CKAP2: variants seen among roughly 807,000 people sequenced by gnomAD.
The protein encoded by CKAP2 is cytoskeleton associated protein 2, also known as cytoskeleton-associated protein 2.
CKAP2 carries 46 observed loss-of-function variants against 58.4 expected under a neutral mutation model. The observed-to-expected ratio is 0.79, with a 90% CI of 0.62 to 1.01. The LOEUF (loss-of-function observed/expected upper bound fraction) is 1.01, where lower values mean the gene tolerates loss of function less well. CKAP2 is among the 50% of genes least tolerant of loss of function. The pLI, the probability that CKAP2 is intolerant of heterozygous loss-of-function variation, is 0.00. For missense variants in CKAP2, 809 were observed against 796.4 expected, an observed-to-expected ratio of 1.02 and a Z score of -0.19; for synonymous variants, 293 against 280.9, an observed-to-expected ratio of 1.04 and a Z score of -0.43.
At chr13:52,462,042 A>G in intron 4 of CKAP2, 116 bp downstream of exon 4, 1 of 957,396 alleles carries the variant, frequency 1.0e-6, no homozygotes. Flanking sequence ...CTCTTCTGTC[A>G]TATGCAGGCA....
At chr13:52,463,326 T>C (rs1272811803) in intron 5 of CKAP2, among the ~76,000 whole-genome samples, 1 of 152,350 alleles carries the variant, frequency 6.6e-6, no homozygotes, top group East Asian at 1.9e-4. Flanking sequence ...TTTGTATACA[T>C]TGAACCATTA....
At chr13:52,462,212 A>C in intron 4 of CKAP2, 151 bp from the exon 5 acceptor site, 1 of 664,790 alleles carries the variant, frequency 1.5e-6, no homozygotes, top group Non-Finnish European at 2.5e-6. Context: ...AGCATAATTG[A>C]CGTTGATATG....
intron 2 of CKAP2, among the ~76,000 whole-genome samples, chr13:52,459,781 T>C (rs1233781891): frequency 6.6e-6 from 1 of 152,226 alleles, no homozygotes; most frequent in Non-Finnish European, 1.5e-5. Flanking sequence ...ATGCTCACAG[T>C]CTGCCTTAGC....
chr13:52,469,375 G>T (rs1441484026), intron 7 of CKAP2, among the ~76,000 whole-genome samples: 1 of 152,052 alleles, frequency 6.6e-6, no homozygotes, highest in Non-Finnish European at 1.5e-5. Context: ...TAAATTCTGT[G>T]ATCTGTTGTG....
Position 52,475,264 on chromosome 13 carries a change from G to T in CKAP2, c.*123G>T. 8.7e-7 allele frequency: 1 copy of T among 1,153,292 alleles called. No homozygotes were observed. The highest frequency in any genetic ancestry group is 1.2e-6 in the Non-Finnish European group (1 of 827,170). 71.4% of individuals were successfully genotyped at this position (1,153,292 alleles called of 1,614,324 possible). A position where few individuals can be genotyped will look rare whatever the true frequency, so the allele number is the denominator to read the frequency against. On this transcript the variant is annotated 3_prime_UTR_variant, in exon 9 of 9. Transcript: ENST00000258607. ...GTACCTATGTATCCTAAGCATTCACGGCAGTGAGCTCCTTTACTAACATTC... is the reference window on the plus strand; with the variant it reads ...GTACCTATGTATCCTAAGCATTCACTGCAGTGAGCTCCTTTACTAACATTC...
At position 52,455,732 on chromosome 13, in the gene CKAP2, G is replaced by T. The variant is rs1234237161; in HGVS notation, c.70+106G>T. ...CGCTGGCGCGCTTCACCTCTCCCCCGCTCTGTGAGATCCCTGAACGCGGCG... is the reference window on the plus strand; with the variant it reads ...CGCTGGCGCGCTTCACCTCTCCCCCTCTCTGTGAGATCCCTGAACGCGGCG... On this transcript the variant is annotated intron_variant, in intron 1 of 8. Transcript: ENST00000258607. The T allele has an allele frequency of 8.1e-6, 10 of 1,234,622 alleles. 1 individual carries two copies. The highest frequency in any genetic ancestry group is 4.0e-5 in the Admixed American group (1 of 24,764). 76.5% of individuals were successfully genotyped at this position (1,234,622 alleles called of 1,614,324 possible). A position where few individuals can be genotyped will look rare whatever the true frequency, so the allele number is the denominator to read the frequency against.
intron 7 of CKAP2, 175 bp from the exon 8 acceptor site, chr13:52,473,654 A>G (rs972502022): frequency 9.4e-6 from 5 of 529,686 alleles, no homozygotes; most frequent in Non-Finnish European, 1.7e-5. Flanking sequence ...TCATTTTATA[A>G]TAGTATTTGT....
intron 5 of CKAP2, 61 bp from the exon 6 acceptor site, chr13:52,465,234 A>G: frequency 7.0e-7 from 1 of 1,425,710 alleles, no homozygotes; most frequent in Non-Finnish European, 9.7e-7. Flanking sequence ...TAGTAGGCTC[A>G]ATTATTGTTC....
rs1187380465 is a variant in CKAP2, at chr13:52,462,552, G to C, written c.1290G>C (p.Leu430=). 6.2e-7 allele frequency: 1 copy of C among 1,613,240 alleles called. No individual in the cohort carries two copies. Among genetic ancestry groups the C allele is most frequent in the African/African-American group, 1.3e-5 (1 of 74,876 alleles). Residue 430 remains leucine, a synonymous_variant, in exon 5 of 9, where the codon CTG becomes CTC. Transcript: ENST00000258607. ...TAAACAACACATTTTCTGAATGCCT[G>C]AACTTGATTAATGAGGTAGAGTCTT... The part of the protein sequence containing the change: ...EKVNNTFSEC[L]NLINEGCPKE...
Position 52,456,533 on chromosome 13 carries a change from A to G in CKAP2, c.81A>G (p.Arg27=). The change falls in exon 2 of 9, where the codon AGA becomes AGG. Residue 27 remains arginine (R), a synonymous_variant. Coordinates refer to ENST00000258607, the MANE Select transcript of CKAP2 (RefSeq NM_018204.5). ...ACCTTTGTTATCTAGAGCAAAGAAG[A>G]CAAAAACTCAAGGAACATCTGTTGA... The part of the protein sequence containing the change: ...RAQSAFKEQR[R]QKLKEHLLRR... The G allele has an allele frequency of 6.2e-7, 1 of 1,612,588 alleles. No homozygotes were observed. The highest frequency in any genetic ancestry group is 8.5e-7 in the Non-Finnish European group (1 of 1,179,306).
chr13:52,472,622 C>T (rs1958775308), intron 7 of CKAP2, among the ~76,000 whole-genome samples: 1 of 152,068 alleles, frequency 6.6e-6, no homozygotes. Context: ...CCATACCCAA[C>T]ATCCCTTTCT....
rs554359986 is a variant in CKAP2, at chr13:52,463,782, A to G, written c.1305+1215A>G. 1.2e-3 allele frequency among the ~76,000 whole-genome samples: 180 copies of G among 152,248 alleles called. 1 individual carries two copies. Among genetic ancestry groups the G allele is most frequent in the Non-Finnish European group, 2.1e-3 (146 of 68,028 alleles). ...TTCAGAGTCATCTGCCTCATTAGCA[A>G]TGGTTTTTGTCTTAGAAGTTTCTCT... On this transcript the variant is annotated intron_variant, in intron 5 of 8. Coordinates refer to ENST00000258607, the MANE Select transcript of CKAP2 (RefSeq NM_018204.5).
At chr13:52,463,324 C>T (rs1168211227) in intron 5 of CKAP2, among the ~76,000 whole-genome samples, 2 of 152,202 alleles carry the variant, frequency 1.3e-5, no homozygotes, top group African/African-American at 4.8e-5. Context: ...AGTTTGTATA[C>T]ATTGAACCAT....
chr13:52,468,270 AAATT>A lies in CKAP2; in HGVS notation c.1477-5_1477-2del. The A allele has an allele frequency of 6.4e-7, 1 of 1,556,774 alleles. No homozygotes were observed. Among genetic ancestry groups the A allele is most frequent in the Admixed American group, 1.9e-5 (1 of 52,434 alleles). On this transcript the variant is annotated splice_region_variant and splice_polypyrimidine_tract_variant and intron_variant, in intron 6 of 8. Coordinates refer to ENST00000258607, the MANE Select transcript of CKAP2 (RefSeq NM_018204.5). ...CATGGATCTGCTTTCTTCATTAAAA[AAATT>A]AAGCCTATTGAAGAGATGCGACACA...
At chr13:52,464,553 CAAAAAAAAAAA>C (rs66481844) in intron 5 of CKAP2, among the ~76,000 whole-genome samples, 1 of 80,130 alleles carries the variant, frequency 1.2e-5, no homozygotes, top group African/African-American at 5.5e-5. Context: ...AACTCCGTCT[CAAAAAAAAAAA>C]AAAAAAAAAA....
intron 1 of CKAP2, 30 bp downstream of exon 1, chr13:52,455,656 GGT>G (rs1555257852): frequency 1.4e-6 from 2 of 1,408,830 alleles, no homozygotes; most frequent in Non-Finnish European, 1.9e-6. Flanking sequence ...TGGCGGTGGC[GGT>G]GGCGGTGGCG....
chr13:52,475,295 A>C lies in CKAP2; in HGVS notation c.*154A>C, dbSNP rs1403143016. 1 of 927,136 alleles carries C rather than the reference A, an allele frequency of 1.1e-6. No homozygotes were observed. The highest frequency in any genetic ancestry group is 1.7e-5 in the African/African-American group (1 of 60,472). 57.4% of individuals were successfully genotyped at this position (927,136 alleles called of 1,614,324 possible). A position where few individuals can be genotyped will look rare whatever the true frequency, so the allele number is the denominator to read the frequency against. ...GAGCTCCTTTACTAACATTCATGTT[A>C]TGGCAAGAGTTGTCCTCTACATTGG... On this transcript the variant is annotated 3_prime_UTR_variant, in exon 9 of 9. Coordinates refer to ENST00000258607, the MANE Select transcript of CKAP2 (RefSeq NM_018204.5).
intron 6 of CKAP2, among the ~76,000 whole-genome samples, chr13:52,467,732 A>G (rs1958701292): frequency 6.6e-6 from 1 of 152,146 alleles, no homozygotes; most frequent in Non-Finnish European, 1.5e-5. Context: ...AAAAAAAGGA[A>G]AAGAAATTCT....
chr13:52,460,763 A>C (rs1004113424), intron 2 of CKAP2, 136 bp from the exon 3 acceptor site: 1 of 674,976 alleles, frequency 1.5e-6, no homozygotes, highest in Non-Finnish European at 2.1e-6. Flanking sequence ...CTTAGGACAA[A>C]TTTCAACTCA....
Sources: allele counts gnomAD v4.1 joint callset (sites outside exome capture counted in the v4.1 genomes callset), GRCh38; gene constraint gnomAD v4.1.1; transcripts MANE v1.5; gene names NCBI Gene and HGNC (gene_info 2026-07-23, HGNC 2026-07-21).